Variants in CUL5 observed in about 807,000 individuals in gnomAD.
CUL5 encodes the protein cullin-5.
A neutral mutation model predicts 108.8 loss-of-function variants in CUL5; 26 were observed. The ratio of observed to expected loss-of-function variants is 0.24; its 90% CI spans 0.18 to 0.33. The LOEUF (loss-of-function observed/expected upper bound fraction) is 0.33. CUL5 is among the 10% of genes least tolerant of loss of function. The pLI, the probability that CUL5 is intolerant of heterozygous loss-of-function variation, is 1.00. For missense variants in CUL5, 524 were observed against 909.2 expected (o/e 0.58, Z 5.45); for synonymous variants, 334 against 298.0 (o/e 1.12, Z -1.25).
chr11:108,073,181 G>A (rs1328481785), intron 9 of CUL5, among the ~76,000 whole-genome samples: 2 of 148,448 alleles, frequency 1.3e-5, no homozygotes, highest in African/African-American at 2.5e-5. Context: ...CAGCCTGGGC[G>A]ACAGATCGAG....
chr11:108,076,061 C>T (rs1446628860), intron 10 of CUL5, among the ~76,000 whole-genome samples: 1 of 152,096 alleles, frequency 6.6e-6, no homozygotes, highest in East Asian at 1.9e-4. Flanking sequence ...CAGAGTCTTG[C>T]TCTGTCACCC....
At chr11:108,024,501 A>G (rs1449123842) in intron 1 of CUL5, among the ~76,000 whole-genome samples, 2 of 152,226 alleles carry the variant, frequency 1.3e-5, no homozygotes, top group Non-Finnish European at 2.9e-5. Context: ...TCATACTTGT[A>G]AAGTGTTTGG....
At chr11:108,050,141 T>G (rs1018298635) in intron 4 of CUL5, 75 bp downstream of exon 4, 222 of 1,341,716 alleles carry the variant, frequency 1.7e-4, no homozygotes, top group Non-Finnish European at 2.0e-4. Flanking sequence ...GAAAGTAATT[T>G]GAACTTTTAA....
intron 12 of CUL5, among the ~76,000 whole-genome samples, chr11:108,089,207 G>A (rs1190306303): frequency 6.6e-6 from 1 of 151,872 alleles, no homozygotes; most frequent in Non-Finnish European, 1.5e-5. Flanking sequence ...CTTTGCAGGG[G>A]GACATTGATT....
At chr11:108,050,166 T>C in intron 4 of CUL5, 100 bp downstream of exon 4, 1 of 915,496 alleles carries the variant, frequency 1.1e-6, no homozygotes, top group South Asian at 1.8e-5. Context: ...GTTTTTCTAC[T>C]TCACATGTCA....
chr11:108,077,630 C>CA (rs35289099), intron 10 of CUL5, among the ~76,000 whole-genome samples: 79,947 of 136,476 alleles, frequency 0.59, 24,414 homozygotes, highest in East Asian at 0.9. Flanking sequence ...ACTCTGTCTC[C>CA]AAAAAAAAAA....
rs180903999 is a variant in CUL5 at position 108,104,663 on chromosome 11, A to T, written c.*279A>T. Reference sequence around the variant, plus strand: ...ACTTTTAAAAGTGAATTTGATTTGTACCCACCAGGAGAAATACAGTTGGGA... The same window carrying T: ...ACTTTTAAAAGTGAATTTGATTTGTTCCCACCAGGAGAAATACAGTTGGGA... On this transcript the variant is annotated 3_prime_UTR_variant, in exon 19 of 19. Transcript: ENST00000393094. 46 of 228,458 alleles carry T rather than the reference A, an allele frequency of 2.0e-4. No individual in the cohort carries two copies. Among genetic ancestry groups the T allele is most frequent in the African/African-American group, 1.0e-3 (46 of 44,346 alleles). 14.2% of individuals were successfully genotyped at this position (228,458 alleles called of 1,614,324 possible).
At chr11:108,077,362 G>C (rs887169808) in intron 10 of CUL5, among the ~76,000 whole-genome samples, 3 of 152,222 alleles carry the variant, frequency 2.0e-5, no homozygotes, top group African/African-American at 7.2e-5. Context: ...GAACAGTTGT[G>C]TAGGCTGGGT....
At chr11:108,100,411 C>T (rs551580809) in intron 18 of CUL5, among the ~76,000 whole-genome samples, 19 of 152,160 alleles carry the variant, frequency 1.2e-4, no homozygotes, top group Middle Eastern at 3.4e-3. Context: ...GCTGTGGTGG[C>T]GCATGCCTGT....
At chr11:108,017,036 T>C (rs1377010067) in intron 1 of CUL5, among the ~76,000 whole-genome samples, 2 of 152,158 alleles carry the variant, frequency 1.3e-5, no homozygotes, top group Non-Finnish European at 1.5e-5. Context: ...AATTGATCTG[T>C]GTAGCTGTGG....
chr11:108,018,273 G>C (rs181997824), intron 1 of CUL5, among the ~76,000 whole-genome samples: 5 of 152,318 alleles, frequency 3.3e-5, no homozygotes, highest in African/African-American at 9.6e-5. Context: ...CTGGAACATA[G>C]AATTGCAGTA....
chr11:108,052,500 G>A (rs1863255769), intron 4 of CUL5, among the ~76,000 whole-genome samples, 160 bp from the exon 5 acceptor site: 1 of 152,016 alleles, frequency 6.6e-6, no homozygotes, highest in South Asian at 2.1e-4. Flanking sequence ...AGACTCCAGC[G>A]ATCCACCTGC....
At chr11:108,100,873 C>A (rs1565272603) in intron 18 of CUL5, among the ~76,000 whole-genome samples, 1 of 151,992 alleles carries the variant, frequency 6.6e-6, no homozygotes, top group Non-Finnish European at 1.5e-5. Flanking sequence ...TACTAAAATA[C>A]AAAAAACTAG....
chr11:108,019,754 G>GT (rs1862284572), intron 1 of CUL5, among the ~76,000 whole-genome samples: 1 of 152,098 alleles, frequency 6.6e-6, no homozygotes, highest in African/African-American at 2.4e-5. Flanking sequence ...AAGTGACTGT[G>GT]TTACTGGTTT....
chr11:108,084,718 G>A (rs1454324399), intron 11 of CUL5, among the ~76,000 whole-genome samples: 3 of 152,178 alleles, frequency 2.0e-5, no homozygotes, highest in Non-Finnish European at 2.9e-5. Flanking sequence ...GTTGGAGTTA[G>A]CACATAAGGA....
At chr11:108,032,644 C>T (rs533875631) in intron 1 of CUL5, among the ~76,000 whole-genome samples, 4 of 152,208 alleles carry the variant, frequency 2.6e-5, no homozygotes, top group East Asian at 3.9e-4. Flanking sequence ...CCTAATATTG[C>T]ACTACTTTTA....
chr11:108,062,333 A>G (rs1030402078), intron 7 of CUL5, among the ~76,000 whole-genome samples: 1 of 152,112 alleles, frequency 6.6e-6, no homozygotes, highest in Non-Finnish European at 1.5e-5. Flanking sequence ...CCTTTTACAA[A>G]TTGCTACACA....
chr11:108,032,519 AAAAACAAATCACATGGTCACAT>A (rs1862616384), intron 1 of CUL5, among the ~76,000 whole-genome samples: 1 of 152,104 alleles, frequency 6.6e-6, no homozygotes, highest in Non-Finnish European at 1.5e-5. Flanking sequence ...AAAACAAACA[AAAAACAAATCACATGGTCACAT>A]TTAACTTGAA....
At chr11:108,103,825 A>G (rs557357835) in intron 18 of CUL5, among the ~76,000 whole-genome samples, 1 of 152,270 alleles carries the variant, frequency 6.6e-6, no homozygotes, top group East Asian at 1.9e-4. Context: ...TTTTAAATAC[A>G]TACTTTAAGT....
Sources: gnomAD v4.1 joint callset for allele counts (sites outside exome capture counted in the v4.1 genomes callset) on GRCh38, gnomAD v4.1.1 for gene constraint, MANE v1.5 for transcripts, NCBI Gene and HGNC (gene_info 2026-07-23, HGNC 2026-07-21) for gene names.